Variants in PSTPIP2 observed in about 807,000 individuals in gnomAD.
PSTPIP2 encodes proline-serine-threonine phosphatase-interacting protein 2.
PSTPIP2 carries 33 observed loss-of-function variants against 63.3 expected under a neutral mutation model. The ratio of observed to expected loss-of-function variants is 0.52; its 90% CI spans 0.40 to 0.70. PSTPIP2 has a LOEUF of 0.70. Among genes scored for constraint, PSTPIP2 ranks in the 30% least tolerant of loss-of-function variants. The probability of loss-of-function intolerance (pLI) is 0.00; values close to 1 mark genes in which losing one functional copy is unlikely to be tolerated. For synonymous variants in PSTPIP2, 125 were observed against 132.7 expected, an observed-to-expected ratio of 0.94 and a Z score of 0.40; for missense variants, 312 against 400.7, an observed-to-expected ratio of 0.78 and a Z score of 1.89.
chr18:46,032,177 G>C (rs951953515), intron 2 of PSTPIP2, among the ~76,000 whole-genome samples: 3 of 152,170 alleles, frequency 2.0e-5, no homozygotes, highest in African/African-American at 7.2e-5. Flanking sequence ...ATCGTACTAG[G>C]TGCTAAGAAC....
intron 14 of PSTPIP2, among the ~76,000 whole-genome samples, chr18:45,987,261 C>A (rs74470170): frequency 6.6e-6 from 1 of 152,164 alleles, no homozygotes; most frequent in Non-Finnish European, 1.5e-5. Context: ...GATGTGCTCA[C>A]TTTGGTGGTA....
At chr18:46,002,531 T>C (rs1461157306) in intron 6 of PSTPIP2, among the ~76,000 whole-genome samples, 11 of 152,334 alleles carry the variant, frequency 7.2e-5, no homozygotes, top group Non-Finnish European at 1.3e-4. Context: ...AGCCCACATA[T>C]TGGGTTTTCT....
chr18:46,031,548 T>A (rs1907787266), intron 2 of PSTPIP2, among the ~76,000 whole-genome samples: 1 of 152,222 alleles, frequency 6.6e-6, no homozygotes, highest in Non-Finnish European at 1.5e-5. Flanking sequence ...TAGTAACTGT[T>A]TCTAACTTTC....
intron 2 of PSTPIP2, among the ~76,000 whole-genome samples, chr18:46,037,511 A>G (rs1461111548): frequency 1.3e-5 from 2 of 152,154 alleles, no homozygotes; most frequent in East Asian, 1.9e-4. Context: ...TGTTTCAGTC[A>G]TATTAGATGA....
intron 1 of PSTPIP2, among the ~76,000 whole-genome samples, chr18:46,050,889 G>C (rs1357509396): frequency 6.7e-6 from 1 of 150,342 alleles, no homozygotes. Context: ...TTGAGATGGA[G>C]TCTCACTGTG....
chr18:46,002,023 C>T (rs1259503622), intron 6 of PSTPIP2, among the ~76,000 whole-genome samples: 2 of 152,168 alleles, frequency 1.3e-5, no homozygotes, highest in Non-Finnish European at 2.9e-5. Flanking sequence ...TATGTGTTAA[C>T]AGTTCTTTTC....
chr18:46,070,664 C>A (rs1909362068), intron 1 of PSTPIP2, among the ~76,000 whole-genome samples: 1 of 152,078 alleles, frequency 6.6e-6, no homozygotes, highest in Admixed American at 6.5e-5. Flanking sequence ...CAGGCATGCA[C>A]CACCATGCCC....
chr18:45,997,880 G>T (rs764782557), intron 8 of PSTPIP2, 52 bp from the exon 9 acceptor site: 2 of 1,508,626 alleles, frequency 1.3e-6, no homozygotes, highest in East Asian at 2.3e-5. Context: ...AAGGTGGCTC[G>T]CAGATACACC....
chr18:46,024,723 A>G, intron 2 of PSTPIP2, 37 bp from the exon 3 acceptor site: 1 of 1,530,762 alleles, frequency 6.5e-7, no homozygotes, highest in Non-Finnish European at 9.0e-7. Context: ...GGTCCTTCTC[A>G]GAGCTGACTC....
At chr18:46,057,672 TG>T (rs1211914870) in intron 1 of PSTPIP2, among the ~76,000 whole-genome samples, 3 of 152,196 alleles carry the variant, frequency 2.0e-5, no homozygotes, top group Middle Eastern at 3.4e-3. Flanking sequence ...CATTGTTCTA[TG>T]ATGAACACAT....
rs1050944208 is a variant in PSTPIP2, at chr18:45,999,539, G to C, written c.418-5C>G. ...CTGCTCATAGTTCTTCTTTGCCTTT[G>C]TCATTATGAACAAAGAGAACCAAAA... On this transcript the variant is annotated splice_polypyrimidine_tract_variant and splice_region_variant and intron_variant, in intron 6 of 14. Transcript: ENST00000409746. 1.2e-6 allele frequency: 2 copies of C among 1,613,976 alleles called. No homozygotes were observed. The highest frequency in any genetic ancestry group is 1.7e-6 in the Non-Finnish European group (2 of 1,179,938).
At chr18:46,065,671 C>T (rs867920614) in intron 1 of PSTPIP2, among the ~76,000 whole-genome samples, 4 of 152,060 alleles carry the variant, frequency 2.6e-5, no homozygotes, top group Non-Finnish European at 5.9e-5. Context: ...TTCACCATAT[C>T]GGCCAGGCTG....
At chr18:46,036,609 G>GGAGC (rs1907989854) in intron 2 of PSTPIP2, among the ~76,000 whole-genome samples, 1 of 152,192 alleles carries the variant, frequency 6.6e-6, no homozygotes, top group African/African-American at 2.4e-5. Flanking sequence ...AGCAGCACAC[G>GGAGC]GAGCGGCTCC....
Position 45,990,731 on chromosome 18 carries a change from T to C in PSTPIP2, c.946A>G (p.Ser316Gly). Residue 316 changes from serine to glycine, a missense_variant, in exon 13 of 15, where the codon AGC becomes GGC. Ser to Gly is a moderately conservative substitution (Grantham distance 56, BLOSUM62 0). Coordinates refer to ENST00000409746, the MANE Select transcript of PSTPIP2 (RefSeq NM_024430.4). ...TTTTTTAGTGGCATACCTGGTGAGC[T>C]TTTAGGAATTGGGAGGGGTCCTCTC... is the stretch of plus-strand genomic sequence containing the variant. ...ARRGPLPIPK[S>G]SPDDPNYSLV... 1 of 1,606,358 alleles carries C rather than the reference T, an allele frequency of 6.2e-7. No homozygotes were observed. Among genetic ancestry groups the C allele is most frequent in the South Asian group, 1.1e-5 (1 of 90,774 alleles).
At chr18:46,035,657 T>G (rs1191749042) in intron 2 of PSTPIP2, among the ~76,000 whole-genome samples, 1 of 151,872 alleles carries the variant, frequency 6.6e-6, no homozygotes, top group Non-Finnish European at 1.5e-5. Context: ...AAACAGACAG[T>G]AAAGAAAGGG....
chr18:46,065,849 G>A (rs974200877), intron 1 of PSTPIP2, among the ~76,000 whole-genome samples: 2 of 151,660 alleles, frequency 1.3e-5, no homozygotes, highest in Admixed American at 6.6e-5. Flanking sequence ...TGATCCACCC[G>A]CCTTGGCCTC....
Position 45,997,845 on chromosome 18 carries a change from A to G in PSTPIP2, c.563-17T>C, listed in dbSNP as rs2051618118. The G allele has an allele frequency of 6.2e-7, 1 of 1,608,520 alleles. No homozygotes were observed. Among genetic ancestry groups the G allele is most frequent in the Non-Finnish European group, 8.5e-7 (1 of 1,178,398 alleles). On this transcript the variant is annotated splice_polypyrimidine_tract_variant and intron_variant, in intron 8 of 14. Coordinates refer to ENST00000409746, the MANE Select transcript of PSTPIP2 (RefSeq NM_024430.4). The stretch of plus-strand genomic sequence containing the variant: ...ATGCTTTGTCTGCAACAGAAGGGAG[A>G]GACCTGGGTCAGAAACTAGACAGGA...
chr18:46,012,098 A>G (rs562893618), intron 4 of PSTPIP2, among the ~76,000 whole-genome samples: 30 of 152,350 alleles, frequency 2.0e-4, no homozygotes, highest in Non-Finnish European at 2.9e-4. Flanking sequence ...AAAGAACATG[A>G]AATTCAAAAA....
intron 9 of PSTPIP2, 138 bp from the exon 10 acceptor site, chr18:45,993,841 CACT>C: frequency 1.4e-6 from 1 of 703,394 alleles, no homozygotes; most frequent in Non-Finnish European, 2.5e-6. Context: ...TCTCCCCCAC[CACT>C]GAGGAAACTC....
Sources: allele counts gnomAD v4.1 joint callset (sites outside exome capture counted in the v4.1 genomes callset), GRCh38; gene constraint gnomAD v4.1.1; transcripts MANE v1.5; gene names NCBI Gene and HGNC (gene_info 2026-07-23, HGNC 2026-07-21).